Variants in TIAM1 observed in about 807,000 individuals in gnomAD.
The protein encoded by TIAM1 is TIAM Rac1 associated GEF 1.
TIAM1 carries 65 observed loss-of-function variants against 163.5 expected under a neutral mutation model. That is an observed-to-expected ratio of 0.40 (90% CI 0.33 to 0.49). TIAM1 has a LOEUF of 0.49. TIAM1 is among the 20% of genes least tolerant of loss of function. The pLI is 0.77. For synonymous variants in TIAM1, 833 were observed against 810.1 expected (o/e 1.03, Z -0.48); for missense variants, 1,789 against 2,044.7 (o/e 0.87, Z 2.41).
intron 2 of TIAM1, among the ~76,000 whole-genome samples, chr21:31,438,938 T>C (rs2284513): frequency 0.14 from 21,390 of 152,186 alleles, 1,582 homozygotes; most frequent in African/African-American, 0.18. Flanking sequence ...AGTTGAGAAA[T>C]AATAATCTAA....
intron 1 of TIAM1, among the ~76,000 whole-genome samples, chr21:31,549,389 C>T (rs1196188168): frequency 3.3e-5 from 5 of 151,810 alleles, no homozygotes; most frequent in African/African-American, 1.2e-4. Context: ...TGACAACGCA[C>T]AGAATGGAGA....
At chr21:31,435,058 AT>A (rs1178507058) in intron 2 of TIAM1, among the ~76,000 whole-genome samples, 1 of 152,234 alleles carries the variant, frequency 6.6e-6, no homozygotes, top group African/African-American at 2.4e-5. Flanking sequence ...TACTGAGCAG[AT>A]TCTTGGCTTC....
chr21:31,425,687 CTT>C (rs960854647), intron 2 of TIAM1, among the ~76,000 whole-genome samples: 4 of 126,714 alleles, frequency 3.2e-5, no homozygotes, highest in African/African-American at 1.2e-4. Flanking sequence ...CTCTCTCTCT[CTT>C]TCTTTCTCTC....
At chr21:31,164,870 C>T in intron 16 of TIAM1, 92 bp downstream of exon 16, 1 of 1,295,254 alleles carries the variant, frequency 7.7e-7, no homozygotes. Context: ...CATGGAGAGG[C>T]CTGGTAACCA....
intron 1 of TIAM1, among the ~76,000 whole-genome samples, chr21:31,509,642 G>A (rs1402583235): frequency 1.3e-5 from 2 of 152,210 alleles, no homozygotes; most frequent in African/African-American, 4.8e-5. Context: ...CCCACAGAGA[G>A]GAGAGAGAGG....
chr21:31,425,646 CCTCTTTCTTTCTTTCTCTCT>C (rs1219797859), intron 2 of TIAM1, among the ~76,000 whole-genome samples: 9 of 122,552 alleles, frequency 7.3e-5, no homozygotes, highest in Middle Eastern at 3.8e-3. Flanking sequence ...TCCCTCTCTC[CCTCTTTCTTTCTTTCTCTCT>C]CTCTTTCTTT....
rs75384560 is a variant in TIAM1 at position 31,451,066 on chromosome 21, GA to G, written c.-369+12916del. On this transcript the variant is annotated intron_variant, in intron 2 of 28. Transcript: ENST00000286827. ...AGAAGCTAAACTGAGATTCTCAGAG[GA>G]AAAAAAAAAAAAAGGTTCGCTCTGG... Among the ~76,000 whole-genome samples, 955 of 140,194 alleles carry G rather than the reference GA, an allele frequency of 6.8e-3. 4 individuals are homozygous for G. Among genetic ancestry groups the G allele is most frequent in the Middle Eastern group, 0.014 (4 of 276 alleles). 92.0% of individuals were successfully genotyped at this position (140,194 alleles called of 152,430 possible). A position where few individuals can be genotyped will look rare whatever the true frequency, so the allele number is the denominator to read the frequency against.
intron 3 of TIAM1, among the ~76,000 whole-genome samples, chr21:31,269,803 C>G (rs2072976221): frequency 6.6e-6 from 1 of 151,992 alleles, no homozygotes; most frequent in East Asian, 1.9e-4. Flanking sequence ...TCCCGAGTAG[C>G]TGGGACTACA....
chr21:31,446,994 A>G lies in TIAM1; in HGVS notation c.-369+16989T>C, dbSNP rs530594892. ...TGTTTACTATCAGGGATTTTGTGTT[A>G]AGACAAATGATATCAGTATCATTCT... On this transcript the variant is annotated intron_variant, in intron 2 of 28. Coordinates refer to the TIAM1 transcript ENST00000286827. 4.6e-5 allele frequency among the ~76,000 whole-genome samples: 7 copies of G among 152,334 alleles called. No individual in the cohort carries two copies. The South Asian group carries it at 6.2e-4, about 14-fold the overall frequency.
intron 9 of TIAM1, among the ~76,000 whole-genome samples, chr21:31,217,298 G>C (rs116365985): frequency 6.6e-6 from 1 of 152,112 alleles, no homozygotes; most frequent in Non-Finnish European, 1.5e-5. Flanking sequence ...TGTGCGCTTT[G>C]AGTAGGTCTG....
At chr21:31,284,382 C>T (rs2073704274) in intron 2 of TIAM1, among the ~76,000 whole-genome samples, 1 of 152,184 alleles carries the variant, frequency 6.6e-6, no homozygotes, top group African/African-American at 2.4e-5. Flanking sequence ...AGCTGCCTCC[C>T]ACTCCCATGT....
intron 11 of TIAM1, 80 bp downstream of exon 11, chr21:31,209,965 T>G: frequency 6.7e-7 from 1 of 1,491,030 alleles, no homozygotes; most frequent in Non-Finnish European, 9.0e-7. Context: ...CACACGGCTC[T>G]GGGTTTCCAC....
chr21:31,151,047 C>A (rs1294034493), intron 19 of TIAM1, among the ~76,000 whole-genome samples: 1 of 152,218 alleles, frequency 6.6e-6, no homozygotes, highest in Non-Finnish European at 1.5e-5. Context: ...GCTGCTACTA[C>A]ACACCTGTTA....
upstream of TIAM1, among the ~76,000 whole-genome samples, chr21:31,345,927 G>T (rs1253987540): frequency 6.6e-6 from 1 of 152,140 alleles, no homozygotes; most frequent in Non-Finnish European, 1.5e-5. Context: ...TTCCAGCCTG[G>T]GTGACGGAGT....
rs138634839 is a variant in TIAM1, at chr21:31,239,009, T to C, written c.1584+6479A>G. Among the ~76,000 whole-genome samples the C allele has an allele frequency of 2.1e-4, 32 of 152,328 alleles. No individual in the cohort carries two copies. The East Asian group carries it at 6.0e-3, about 28-fold the overall frequency. On this transcript the variant is annotated intron_variant, in intron 6 of 27. Transcript: ENST00000541036. ...ATGGTGGTATACAATAAGGGCTAAGTAAAACATAGCCACCGATCTCACAAT... is the reference window on the plus strand; with the variant it reads ...ATGGTGGTATACAATAAGGGCTAAGCAAAACATAGCCACCGATCTCACAAT...
intron 4 of TIAM1, among the ~76,000 whole-genome samples, chr21:31,261,178 TAC>T (rs2072448126): frequency 6.6e-6 from 1 of 151,934 alleles, no homozygotes; most frequent in African/African-American, 2.4e-5. Context: ...ATGGCTCTGC[TAC>T]AGTTATCCTG....
chr21:31,173,737 CTT>C lies in TIAM1; in HGVS notation c.2888-8674_2888-8673del, dbSNP rs367800914. On this transcript the variant is annotated intron_variant, in intron 15 of 27. Transcript: ENST00000541036. The stretch of plus-strand genomic sequence containing the variant: ...TAGTCAAATGTCACAAAATCTCAGT[CTT>C]TGTTTCCTATAGAAATTTAAAAATC... Among the ~76,000 whole-genome samples the C allele has an allele frequency of 1.7e-3, 261 of 152,236 alleles. 1 individual carries two copies. The highest frequency in any genetic ancestry group is 6.0e-3 in the African/African-American group (249 of 41,548).
chr21:31,341,490 G>A (rs944601776), intron 1 of TIAM1, among the ~76,000 whole-genome samples: 56 of 152,258 alleles, frequency 3.7e-4, no homozygotes, highest in African/African-American at 1.3e-3. Flanking sequence ...TTCTGCTGTC[G>A]TACAAGGTAA....
intron 2 of TIAM1, among the ~76,000 whole-genome samples, chr21:31,321,013 A>G (rs539932354): frequency 6.6e-6 from 1 of 151,386 alleles, no homozygotes; most frequent in African/African-American, 2.4e-5. Context: ...AGATCTGGGT[A>G]CAGTGGTGTG....
Sources: gnomAD v4.1 joint callset for allele counts (sites outside exome capture counted in the v4.1 genomes callset) on GRCh38, gnomAD v4.1.1 for gene constraint, MANE v1.5 for transcripts, NCBI Gene and HGNC (gene_info 2026-07-23, HGNC 2026-07-21) for gene names.